ABCC2: variants seen among roughly 807,000 people sequenced by gnomAD.
ABCC2 encodes the protein ATP-binding cassette sub-family C member 2.
ABCC2 carries 157 observed loss-of-function variants against 173.4 expected under a neutral mutation model. That is an observed-to-expected ratio of 0.91 (90% CI 0.80 to 1.03). The LOEUF is 1.03. Among genes scored for constraint, ABCC2 ranks in the 50% least tolerant of loss-of-function variants. The probability of loss-of-function intolerance (pLI) is 0.00; values close to 1 mark genes in which losing one functional copy is unlikely to be tolerated. For missense variants in ABCC2, 1,822 were observed against 1,852.3 expected, an observed-to-expected ratio of 0.98 and a Z score of 0.30; for synonymous variants, 657 against 693.5, an observed-to-expected ratio of 0.95 and a Z score of 0.83.
At position 99,814,636 on chromosome 10, in the gene ABCC2, TATATACAC is replaced by T. The variant is rs2038350577; in HGVS notation, c.2094+1502_2094+1509del. On this transcript the variant is annotated intron_variant, in intron 16 of 31. Coordinates refer to ENST00000647814, the MANE Select transcript of ABCC2 (RefSeq NM_000392.5). The stretch of plus-strand genomic sequence containing the variant: ...ATATACACATATACACACATATGTG[TATATACAC>T]ATATACACACACATATGTGTATATA... Among the ~76,000 whole-genome samples, 3 of 130,306 alleles carry T rather than the reference TATATACAC, an allele frequency of 2.3e-5. 1 individual carries two copies. Among genetic ancestry groups the T allele is most frequent in the Non-Finnish European group, 4.9e-5 (3 of 60,776 alleles). 85.5% of individuals were successfully genotyped at this position (130,306 alleles called of 152,430 possible). A position where few individuals can be genotyped will look rare whatever the true frequency, so the allele number is the denominator to read the frequency against.
intron 8 of ABCC2, among the ~76,000 whole-genome samples, chr10:99,800,047 ATAGT>A (rs1446955126): frequency 1.3e-5 from 2 of 152,136 alleles, no homozygotes; most frequent in East Asian, 1.9e-4. Flanking sequence ...ACAAAAGAAA[ATAGT>A]TAGCTAGATG....
At chr10:99,818,021 C>T (rs1345182994) in intron 17 of ABCC2, among the ~76,000 whole-genome samples, 1 of 152,116 alleles carries the variant, frequency 6.6e-6, no homozygotes, top group East Asian at 1.9e-4. Context: ...GTCAGGAGTT[C>T]AAGACCAGCT....
rs199595780 is a variant in ABCC2 at position 99,804,059 on chromosome 10, T to C, written c.1250T>C (p.Val417Ala). The stretch of plus-strand genomic sequence containing the variant: ...AACTTGGCCAGGAAGGAGTACACCG[T>C]TGGAGAAACAGTGAACCTGATGTCT... ...LSNLARKEYT[V>A]GETVNLMSVD... The change falls in exon 10 of 32, where the codon GTT becomes GCT. Residue 417 changes from valine (V) to alanine (A), a missense_variant. Transcript: ENST00000647814. The C allele has an allele frequency of 6.5e-4, 1,057 of 1,614,014 alleles. No homozygotes were observed. Among genetic ancestry groups the C allele is most frequent in the Non-Finnish European group, 8.5e-4 (1,008 of 1,180,020 alleles).
At chr10:99,833,207 A>G (rs946367928) in intron 23 of ABCC2, among the ~76,000 whole-genome samples, 2 of 152,212 alleles carry the variant, frequency 1.3e-5, no homozygotes, top group African/African-American at 4.8e-5. Context: ...TGATGTCACT[A>G]GAGACAACTT....
At chr10:99,814,482 C>CATATAT (rs2038328667) in intron 16 of ABCC2, among the ~76,000 whole-genome samples, 1 of 131,990 alleles carries the variant, frequency 7.6e-6, no homozygotes, top group African/African-American at 2.9e-5. Context: ...TGTGTATATA[C>CATATAT]ATACACACAA....
intron 12 of ABCC2, among the ~76,000 whole-genome samples, chr10:99,807,806 T>G (rs2038138924): frequency 6.6e-6 from 1 of 152,172 alleles, no homozygotes; most frequent in Non-Finnish European, 1.5e-5. Context: ...GAGGCTTTCT[T>G]GTCTTCTTTG....
chr10:99,818,669 T>G, intron 17 of ABCC2, 121 bp from the exon 18 acceptor site: 1 of 983,766 alleles, frequency 1.0e-6, no homozygotes, highest in Non-Finnish European at 1.5e-6. Flanking sequence ...AAGGAACTTG[T>G]AAGATTTTTA....
chr10:99,792,142 C>A, intron 2 of ABCC2, 92 bp from the exon 3 acceptor site: 1 of 1,500,218 alleles, frequency 6.7e-7, no homozygotes, highest in Non-Finnish European at 9.2e-7. Context: ...TCACTGCATA[C>A]CGCTTTTCCT....
chr10:99,814,149 G>A (rs867848135), intron 16 of ABCC2, among the ~76,000 whole-genome samples: 728 of 21,392 alleles, frequency 0.034, 46 homozygotes, highest in African/African-American at 0.11. Flanking sequence ...ATACACACAT[G>A]TATGTATACA....
intron 7 of ABCC2, 149 bp downstream of exon 7, chr10:99,797,480 C>G (rs7922864): frequency 4.1e-6 from 3 of 727,808 alleles, no homozygotes; most frequent in Non-Finnish European, 7.3e-6. Flanking sequence ...AATACTGATA[C>G]TACCTTAGTG....
Position 99,804,405 on chromosome 10 carries a change from T to G in ABCC2, c.1464+132T>G, listed in dbSNP as rs1428615869. 6 of 1,212,614 alleles carry G rather than the reference T, an allele frequency of 4.9e-6. No individual in the cohort carries two copies. The African/African-American group carries it at 7.6e-5, about 15-fold the overall frequency. The allele number at this position is 1,212,614 out of a possible 1,614,324, so 75.1% of individuals were successfully genotyped here. ...GGAAGACTTTCTACCATCTCAATTG[T>G]ACTTAGCTGTCTCTGAGTTCCCTTT... On this transcript the variant is annotated intron_variant, in intron 10 of 31. Coordinates refer to ENST00000647814, the MANE Select transcript of ABCC2 (RefSeq NM_000392.5).
rs1053353556 is a variant in ABCC2 at position 99,850,976 on chromosome 10, G to C, written c.4508+180G>C. Among the ~76,000 whole-genome samples, 5 of 152,194 alleles carry C rather than the reference G, an allele frequency of 3.3e-5. No individual in the cohort carries two copies. The East Asian group carries it at 9.6e-4, about 29-fold the overall frequency. Reference sequence around the variant, plus strand: ...AATTTTACATCACGCAAATGAAAACGAACAAGGTTAAGGGAACTATTCATA... The same window carrying C: ...AATTTTACATCACGCAAATGAAAACCAACAAGGTTAAGGGAACTATTCATA... On this transcript the variant is annotated intron_variant, in intron 31 of 31. Transcript: ENST00000647814.
Position 99,800,433 on chromosome 10 carries a change from G to A in ABCC2, c.1079G>A (p.Gly360Glu). The change falls in exon 9 of 32, where the codon GGA becomes GAA. Residue 360 changes from glycine (G) to glutamate (E), a missense_variant. Physicochemically the swap from Gly to Glu is moderately conservative, Grantham distance 98. Transcript: ENST00000647814. The stretch of plus-strand genomic sequence containing the variant: ...GACCGTGACACATATTTGTGGATTG[G>A]ATATCTCTGTGCAATCCTCTTATTC... ...ASDRDTYLWI[G>E]YLCAILLFTA... 1 of 1,614,164 alleles carries A rather than the reference G, an allele frequency of 6.2e-7. No homozygotes were observed. Among genetic ancestry groups the A allele is most frequent in the Non-Finnish European group, 8.5e-7 (1 of 1,180,026 alleles).
chr10:99,817,505 T>A (rs191857105), intron 17 of ABCC2, 21 bp downstream of exon 17: 2 of 1,613,474 alleles, frequency 1.2e-6, no homozygotes, highest in Non-Finnish European at 8.5e-7. Context: ...TAACAAGGGA[T>A]CTTCAAGGGT....
At chr10:99,842,128 T>A (rs1260543504) in intron 26 of ABCC2, 35 bp downstream of exon 26, 6 of 1,613,626 alleles carry the variant, frequency 3.7e-6, no homozygotes, top group Middle Eastern at 1.6e-4. Flanking sequence ...GTTTCGTTAG[T>A]GTGCTTATTC....
At chr10:99,850,877 T>C (rs2039079753) in intron 31 of ABCC2, 81 bp downstream of exon 31, 1 of 1,520,184 alleles carries the variant, frequency 6.6e-7, no homozygotes, top group Non-Finnish European at 9.1e-7. Flanking sequence ...AAACACCTGA[T>C]GGCAGAAGGT....
At chr10:99,814,709 A>G (rs551135700) in intron 16 of ABCC2, among the ~76,000 whole-genome samples, 20 of 144,420 alleles carry the variant, frequency 1.4e-4, no homozygotes, top group African/African-American at 2.5e-4. Flanking sequence ...ATATGTGTAT[A>G]CATGTATATA....
At chr10:99,827,377 C>A (rs937816941) in intron 19 of ABCC2, among the ~76,000 whole-genome samples, 3 of 152,186 alleles carry the variant, frequency 2.0e-5, no homozygotes, top group Non-Finnish European at 1.5e-5. Flanking sequence ...TTATAGTCAA[C>A]ATTTTGCGTT....
chr10:99,804,243 G>A lies in ABCC2; in HGVS notation c.1434G>A (p.Ala478=), dbSNP rs4267009. The change falls in exon 10 of 32, where the codon GCG becomes GCA. Residue 478 remains alanine, a synonymous_variant. Coordinates refer to ENST00000647814, the MANE Select transcript of ABCC2 (RefSeq NM_000392.5). ...TGGTGCTTGTAATCCCAATTAATGC[G>A]ATACTGTCCACCAAGAGTAAGACCA... The part of the protein sequence containing the change: ...GVMVLVIPIN[A]ILSTKSKTIQ... The A allele has an allele frequency of 1.6e-4, 254 of 1,614,020 alleles. No homozygotes were observed. The highest frequency in any genetic ancestry group is 3.3e-4 in the Middle Eastern group (2 of 6,058).
Sources: gnomAD v4.1 joint callset for allele counts (sites outside exome capture counted in the v4.1 genomes callset) on GRCh38, gnomAD v4.1.1 for gene constraint, MANE v1.5 for transcripts, NCBI Gene and HGNC (gene_info 2026-07-23, HGNC 2026-07-21) for gene names.